Variants in CSMD2 observed in about 807,000 individuals in gnomAD.
CSMD2 encodes the protein CUB and sushi domain-containing protein 2.
In CSMD2, 130 loss-of-function variants were observed where a neutral mutation model predicts 398.5. That is an observed-to-expected ratio of 0.33 (90% CI 0.28 to 0.38). The LOEUF is 0.38. Ranked by LOEUF, CSMD2 falls within the 10% of genes least tolerant of loss-of-function variation. CSMD2 has a pLI of 1.00. For synonymous variants in CSMD2, 1,828 were observed against 1,908.5 expected (o/e 0.96, Z 1.10); for missense variants, 3,829 against 4,764.9 (o/e 0.80, Z 5.78).
chr1:33,648,787 G>T (rs931727039), intron 28 of CSMD2, among the ~76,000 whole-genome samples: 2 of 152,020 alleles, frequency 1.3e-5, no homozygotes, highest in African/African-American at 4.8e-5. Flanking sequence ...AGTTTCAATG[G>T]GAAATCATTA....
At chr1:33,996,934 TC>T (rs1406375308) in intron 3 of CSMD2, among the ~76,000 whole-genome samples, 2 of 152,238 alleles carry the variant, frequency 1.3e-5, no homozygotes, top group East Asian at 3.9e-4. Context: ...ACATATTATC[TC>T]ATTTAACCTG....
intron 13 of CSMD2, among the ~76,000 whole-genome samples, chr1:33,763,197 C>T (rs1650056267): frequency 6.6e-6 from 1 of 152,152 alleles, no homozygotes; most frequent in South Asian, 2.1e-4. Context: ...CCCATTAGCC[C>T]AGAGGAATTC....
chr1:33,784,523 G>A (rs1265471794), intron 12 of CSMD2, among the ~76,000 whole-genome samples: 3 of 152,216 alleles, frequency 2.0e-5, no homozygotes, highest in Admixed American at 6.5e-5. Flanking sequence ...CGCACTGTGA[G>A]GCCTCCAGGC....
chr1:33,936,376 G>A (rs1184878707), intron 3 of CSMD2, among the ~76,000 whole-genome samples: 1 of 152,218 alleles, frequency 6.6e-6, no homozygotes, highest in East Asian at 1.9e-4. Flanking sequence ...ATAAGAGTAG[G>A]TGCTCATTAA....
At chr1:33,740,554 T>C (rs1004765242) in intron 14 of CSMD2, among the ~76,000 whole-genome samples, 1 of 152,210 alleles carries the variant, frequency 6.6e-6, no homozygotes, top group African/African-American at 2.4e-5. Context: ...AGGGAGCCTC[T>C]GATGTGGAGA....
intron 66 of CSMD2, 110 bp downstream of exon 66, chr1:33,524,772 A>G (rs1654621879): frequency 9.1e-7 from 1 of 1,095,508 alleles, no homozygotes; most frequent in African/African-American, 1.6e-5. Context: ...TGACCACCAG[A>G]CAAGTCTGAG....
intron 6 of CSMD2, among the ~76,000 whole-genome samples, chr1:33,829,743 C>T (rs1338642465): frequency 6.6e-6 from 1 of 152,166 alleles, no homozygotes; most frequent in Non-Finnish European, 1.5e-5. Flanking sequence ...TCAGGGAGTT[C>T]CCTTTCATGG....
intron 3 of CSMD2, among the ~76,000 whole-genome samples, chr1:34,015,264 T>A (rs1026787980): frequency 6.6e-6 from 1 of 152,256 alleles, no homozygotes; most frequent in Non-Finnish European, 1.5e-5. Flanking sequence ...CATGGCTGTA[T>A]GTGAGCTCTG....
rs1281075146 is a variant in CSMD2, at chr1:33,559,830, C to T, written c.8381-357G>A. Among the ~76,000 whole-genome samples, 1 of 152,084 alleles carries T rather than the reference C, an allele frequency of 6.6e-6. No individual in the cohort carries two copies. The highest frequency in any genetic ancestry group is 2.4e-5 in the African/African-American group (1 of 41,390). On this transcript the variant is annotated intron_variant, in intron 53 of 70. Coordinates refer to ENST00000373381, the MANE Select transcript of CSMD2 (RefSeq NM_001281956.2). The surrounding 1 kb of genome is among the most constrained non-coding windows in gnomAD (Gnocchi z 4.0). ...TCTTAATTGCTGGGTATACTGATGG[C>T]CAACTGTCAGCTGGTTTAGGCCCAT...
intron 12 of CSMD2, among the ~76,000 whole-genome samples, chr1:33,781,654 T>C (rs1652783884): frequency 6.6e-6 from 1 of 152,182 alleles, no homozygotes; most frequent in African/African-American, 2.4e-5. Flanking sequence ...AGCTGCCAGA[T>C]TCCAGACTCC....
chr1:33,972,601 G>A (rs773745906), intron 3 of CSMD2, among the ~76,000 whole-genome samples: 5 of 152,118 alleles, frequency 3.3e-5, no homozygotes, highest in Non-Finnish European at 7.4e-5. Flanking sequence ...AGATCAGAGT[G>A]ACGGGAGGAC....
At chr1:33,600,816 T>A (rs1640161355) in intron 44 of CSMD2, 49 bp downstream of exon 44, 1 of 1,603,504 alleles carries the variant, frequency 6.2e-7, no homozygotes, top group Admixed American at 1.7e-5. Context: ...AAGCTCAGCC[T>A]TGACTTGAAA....
intron 3 of CSMD2, among the ~76,000 whole-genome samples, chr1:33,985,257 C>T (rs1646317602): frequency 6.6e-6 from 1 of 152,206 alleles, no homozygotes; most frequent in Non-Finnish European, 1.5e-5. Context: ...CCCACCCCTC[C>T]CTGGGAAGTA....
At chr1:33,974,547 GAAAC>G (rs1023685712) in intron 3 of CSMD2, among the ~76,000 whole-genome samples, 7 of 152,222 alleles carry the variant, frequency 4.6e-5, no homozygotes, top group Admixed American at 2.0e-4. Context: ...TACAGATGAG[GAAAC>G]AAACAGAGAC....
At chr1:33,660,627 C>T (rs1287384381) in intron 26 of CSMD2, among the ~76,000 whole-genome samples, 1 of 152,210 alleles carries the variant, frequency 6.6e-6, no homozygotes, top group Admixed American at 6.5e-5. Context: ...CTTGGTTATG[C>T]CCATAACACT....
chr1:33,863,874 T>A (rs564389447), intron 5 of CSMD2: 1 of 251,016 alleles, frequency 4.0e-6, no homozygotes, highest in South Asian at 8.1e-5. Flanking sequence ...CATAGCTGCC[T>A]CATAGCCTAC....
At chr1:33,975,251 C>T (rs978435431) in intron 3 of CSMD2, among the ~76,000 whole-genome samples, 1 of 152,178 alleles carries the variant, frequency 6.6e-6, no homozygotes, top group Non-Finnish European at 1.5e-5. Flanking sequence ...TCCAGGGGTA[C>T]CCCTCACTTA....
chr1:33,701,204 C>T (rs1412394558), intron 22 of CSMD2, among the ~76,000 whole-genome samples: 1 of 152,176 alleles, frequency 6.6e-6, no homozygotes, highest in Non-Finnish European at 1.5e-5. Context: ...GGGATCCAGA[C>T]ACCAGCATGT....
In CSMD2 at chr1:33,829,901, G is replaced by A. The variant is rs558812616; in HGVS notation, c.1034-4127C>T. Among the ~76,000 whole-genome samples, 524 of 152,298 alleles carry A rather than the reference G, an allele frequency of 3.4e-3. 3 individuals are homozygous for A. Among genetic ancestry groups the A allele is most frequent in the African/African-American group, 0.012 (505 of 41,564 alleles). On this transcript the variant is annotated intron_variant, in intron 6 of 70. Coordinates refer to ENST00000373381, the MANE Select transcript of CSMD2 (RefSeq NM_001281956.2). ...GGTCCTACGCCCACGGAGTGTCGCT[G>A]ATTGCTAGCACAGCAGTCTGAGATC...
Sources: gnomAD v4.1 joint callset for allele counts (sites outside exome capture counted in the v4.1 genomes callset) on GRCh38, gnomAD v4.1.1 for gene constraint, Gnocchi (gnomAD v3.1) non-coding constraint, MANE v1.5 for transcripts, NCBI Gene and HGNC (gene_info 2026-07-23, HGNC 2026-07-21) for gene names.